The following STXBP5L variants were observed in gnomAD, a reference collection of about 807,000 sequenced individuals.
The protein encoded by STXBP5L is syntaxin binding protein 5L.
In STXBP5L, 65 loss-of-function variants were observed where a neutral mutation model predicts 144.5. That is an observed-to-expected ratio of 0.45 (90% CI 0.37 to 0.55). The LOEUF (loss-of-function observed/expected upper bound fraction) is 0.55, where lower values mean the gene tolerates loss of function less well. STXBP5L is among the 20% of genes least tolerant of loss of function. STXBP5L has a pLI of 0.00. For synonymous variants in STXBP5L, 505 were observed against 469.6 expected (o/e 1.08, Z -0.97); for missense variants, 1,298 against 1,405.5 (o/e 0.92, Z 1.22).
intron 9 of STXBP5L, among the ~76,000 whole-genome samples, chr3:121,161,235 T>TTTTGCTTTTTTTTTTTTGC (rs2046312726): frequency 7.0e-6 from 1 of 143,492 alleles, no homozygotes; most frequent in African/African-American, 2.6e-5. Flanking sequence ...TTTGTTTTGC[T>TTTTGCTTTTTTTTTTTTGC]TTTGCTTTTT....
chr3:120,912,181 A>G (rs1368306144), intron 2 of STXBP5L, among the ~76,000 whole-genome samples: 1 of 151,920 alleles, frequency 6.6e-6, no homozygotes, highest in Admixed American at 6.6e-5. Flanking sequence ...TTTTGAAATC[A>G]CTTTCTAACT....
rs1360496417 is a variant in STXBP5L at position 121,418,672 on chromosome 3, T to G, written c.3447+115T>G. 4.9e-5 allele frequency: 50 copies of G among 1,014,142 alleles called. No homozygotes were observed. The South Asian group carries it at 7.5e-4, about 15-fold the overall frequency. The allele number at this position is 1,014,142 out of a possible 1,614,324, so 62.8% of individuals were successfully genotyped here. ...CATAAGTAATCCTGTATGAGAATCA[T>G]GGTAACCTAGATCTCTTCTAAGTAT... On this transcript the variant is annotated intron_variant, in intron 26 of 26. Transcript: ENST00000471454.
At chr3:121,101,195 T>C (rs532756027) in intron 5 of STXBP5L, among the ~76,000 whole-genome samples, 2 of 152,186 alleles carry the variant, frequency 1.3e-5, no homozygotes, top group East Asian at 1.9e-4. Context: ...TCTTCTGATA[T>C]TATTCCAAAA....
intron 9 of STXBP5L, 114 bp downstream of exon 9, chr3:121,157,741 G>A (rs1014353037): frequency 2.9e-6 from 4 of 1,382,990 alleles, no homozygotes; most frequent in South Asian, 1.4e-5. Flanking sequence ...CATAGCTTCT[G>A]GTTCTAAACA....
intron 18 of STXBP5L, among the ~76,000 whole-genome samples, chr3:121,266,654 G>A (rs1259506052): frequency 6.6e-6 from 1 of 152,144 alleles, no homozygotes; most frequent in East Asian, 1.9e-4. Flanking sequence ...AAGAAATAAA[G>A]GGTATTCAAA....
chr3:121,173,283 C>G (rs972756570), intron 9 of STXBP5L, among the ~76,000 whole-genome samples: 2 of 151,288 alleles, frequency 1.3e-5, no homozygotes, highest in Admixed American at 6.6e-5. Flanking sequence ...ACTTATGTAA[C>G]AAACCTGCAC....
At chr3:121,344,072 C>T (rs942826697) in intron 20 of STXBP5L, among the ~76,000 whole-genome samples, 28 of 151,578 alleles carry the variant, frequency 1.8e-4, no homozygotes, top group Middle Eastern at 6.8e-3. Context: ...TGGAACACAA[C>T]AGAGCCCTCA....
intron 3 of STXBP5L, among the ~76,000 whole-genome samples, chr3:120,961,119 C>T (rs77806511): frequency 0.02 from 3,011 of 150,718 alleles, 99 homozygotes; most frequent in African/African-American, 0.069. Context: ...CATAGTTGTT[C>T]GTAATAGTTT....
At chr3:121,166,295 G>T (rs568138380) in intron 9 of STXBP5L, among the ~76,000 whole-genome samples, 1 of 152,038 alleles carries the variant, frequency 6.6e-6, no homozygotes, top group African/African-American at 2.4e-5. Context: ...CATGACCACC[G>T]TTCCTGGCTT....
intron 9 of STXBP5L, among the ~76,000 whole-genome samples, chr3:121,201,251 C>T (rs926176153): frequency 1.3e-5 from 2 of 152,100 alleles, no homozygotes; most frequent in African/African-American, 4.8e-5. Context: ...TTGCATTGAT[C>T]CCTTTACCAT....
intron 5 of STXBP5L, among the ~76,000 whole-genome samples, chr3:121,091,528 A>G (rs970626980): frequency 6.6e-5 from 10 of 152,150 alleles, no homozygotes; most frequent in Non-Finnish European, 1.0e-4. Flanking sequence ...TCTGATGGCC[A>G]GTGATGGTGA....
intron 9 of STXBP5L, among the ~76,000 whole-genome samples, chr3:121,165,483 C>T (rs916536749): frequency 3.9e-5 from 6 of 151,988 alleles, no homozygotes; most frequent in African/African-American, 1.2e-4. Context: ...CAATTTTATC[C>T]GTACCTTTGA....
intron 5 of STXBP5L, among the ~76,000 whole-genome samples, chr3:121,056,726 C>G (rs769778600): frequency 9.2e-5 from 14 of 152,064 alleles, no homozygotes; most frequent in Non-Finnish European, 1.6e-4. Context: ...TTCCCCTCAG[C>G]AGAGCTAAAC....
chr3:121,389,271 C>A (rs1576338100), intron 22 of STXBP5L, among the ~76,000 whole-genome samples: 1 of 151,908 alleles, frequency 6.6e-6, no homozygotes, highest in Non-Finnish European at 1.5e-5. Context: ...CTACTTGATT[C>A]TTCTCTCTTC....
At chr3:121,068,951 C>G (rs1181799596) in intron 5 of STXBP5L, among the ~76,000 whole-genome samples, 1 of 152,092 alleles carries the variant, frequency 6.6e-6, no homozygotes, top group Non-Finnish European at 1.5e-5. Context: ...AAAACTAGTA[C>G]AGAGGTTTTA....
chr3:120,991,415 C>T (rs1942856343), intron 3 of STXBP5L, among the ~76,000 whole-genome samples: 1 of 151,986 alleles, frequency 6.6e-6, no homozygotes, highest in African/African-American at 2.4e-5. Context: ...TTGTGGAAGT[C>T]AGTGTGGCGA....
At chr3:120,928,483 G>A (rs1013205489) in intron 2 of STXBP5L, among the ~76,000 whole-genome samples, 10 of 152,044 alleles carry the variant, frequency 6.6e-5, no homozygotes, top group Admixed American at 3.3e-4. Context: ...GGCTGCTCTC[G>A]AACTCCTGAC....
intron 25 of STXBP5L, among the ~76,000 whole-genome samples, chr3:121,416,545 T>C (rs949586519): frequency 1.3e-5 from 2 of 151,198 alleles, no homozygotes; most frequent in African/African-American, 2.4e-5. Context: ...TCTTGCTCTG[T>C]TGCCCAGGCT....
intron 20 of STXBP5L, among the ~76,000 whole-genome samples, chr3:121,355,213 C>T (rs2045462679): frequency 6.6e-6 from 1 of 152,104 alleles, no homozygotes; most frequent in South Asian, 2.1e-4. Flanking sequence ...CTCTATATTT[C>T]CTGAATTTGA....
Sources: allele counts gnomAD v4.1 joint callset (sites outside exome capture counted in the v4.1 genomes callset), GRCh38; gene constraint gnomAD v4.1.1; transcripts MANE v1.5; gene names NCBI Gene and HGNC (gene_info 2026-07-23, HGNC 2026-07-21).